Variants in RBFOX1 observed in about 807,000 individuals in gnomAD.
RBFOX1 encodes the protein RNA binding fox-1 homolog 1, also known as RNA binding protein fox-1 homolog 1.
Under a neutral mutation model 57.7 loss-of-function variants are expected in RBFOX1, and 8 were observed. The ratio of observed to expected loss-of-function variants is 0.14; its 90% CI spans 0.08 to 0.25. RBFOX1 has a LOEUF of 0.25. Among genes scored for constraint, RBFOX1 ranks in the 10% least tolerant of loss-of-function variants. RBFOX1 has a pLI of 1.00. For synonymous variants in RBFOX1, 326 were observed against 222.4 expected, an observed-to-expected ratio of 1.47 and a Z score of -4.15; for missense variants, 611 against 548.5, an observed-to-expected ratio of 1.11 and a Z score of -1.14.
rs201633566 is a variant in RBFOX1 at position 6,532,082 on chromosome 16, G to A, written c.-63-122521G>A. On this transcript the variant is annotated intron_variant, in intron 2 of 15. Transcript: ENST00000550418. ...CCATGTATCATTCTGCTCCAGTTCTGGATCCCAGAAGAGCACATCCCATTG... is the reference window on the plus strand; with the variant it reads ...CCATGTATCATTCTGCTCCAGTTCTAGATCCCAGAAGAGCACATCCCATTG... Among the ~76,000 whole-genome samples the A allele has an allele frequency of 2.6e-5, 4 of 152,098 alleles. No homozygotes were observed. The East Asian group carries it at 7.7e-4, about 29-fold the overall frequency.
chr16:6,488,033 C>A (rs1480089573), intron 2 of RBFOX1, among the ~76,000 whole-genome samples: 1 of 152,040 alleles, frequency 6.6e-6, no homozygotes, highest in Non-Finnish European at 1.5e-5. Context: ...CATCTCCCAG[C>A]ACCATTTACT....
intron 3 of RBFOX1, among the ~76,000 whole-genome samples, chr16:6,884,661 G>A (rs2063615193): frequency 6.6e-6 from 1 of 152,176 alleles, no homozygotes; most frequent in African/African-American, 2.4e-5. Context: ...CACTAGGGGA[G>A]GCTGAGGTGG....
At chr16:6,743,032 C>T (rs1466638809) in intron 3 of RBFOX1, among the ~76,000 whole-genome samples, 1 of 152,010 alleles carries the variant, frequency 6.6e-6, no homozygotes, top group African/African-American at 2.4e-5. Context: ...AATGGGTTAC[C>T]AATGTCACTA....
intron 4 of RBFOX1, among the ~76,000 whole-genome samples, chr16:7,268,904 G>T (rs1173604827): frequency 6.6e-6 from 1 of 151,800 alleles, no homozygotes; most frequent in Non-Finnish European, 1.5e-5. Context: ...AAGCGTGGTG[G>T]CAAATGCCTG....
intron 3 of RBFOX1, among the ~76,000 whole-genome samples, chr16:6,705,720 T>TA (rs1325904883): frequency 2.6e-5 from 4 of 152,090 alleles, no homozygotes; most frequent in Non-Finnish European, 5.9e-5. Flanking sequence ...TAAAGAGGGA[T>TA]AAAATTATAA....
chr16:6,512,721 G>A (rs1269689548), intron 2 of RBFOX1, among the ~76,000 whole-genome samples: 3 of 152,152 alleles, frequency 2.0e-5, no homozygotes, highest in Non-Finnish European at 4.4e-5. Context: ...TTTGGAGACC[G>A]TGACGTCACT....
At chr16:6,951,270 C>G (rs140791607) in intron 3 of RBFOX1, among the ~76,000 whole-genome samples, 18 of 152,012 alleles carry the variant, frequency 1.2e-4, no homozygotes, top group Admixed American at 1.3e-4. Flanking sequence ...ATAGAGTCAC[C>G]CATCTTCTGA....
intron 1 of RBFOX1, among the ~76,000 whole-genome samples, chr16:5,454,755 T>TTTCTTTCCTTTTC (rs1270997531): frequency 1.6e-5 from 1 of 62,878 alleles, no homozygotes; most frequent in African/African-American, 6.0e-5. Context: ...TTTTCTTTTC[T>TTTCTTTCCTTTTC]TTTCTTTCTT....
At chr16:5,345,345 C>A (rs2065117432) in intron 1 of RBFOX1, among the ~76,000 whole-genome samples, 1 of 152,206 alleles carries the variant, frequency 6.6e-6, no homozygotes, top group Non-Finnish European at 1.5e-5. Flanking sequence ...TTCCCTTCCT[C>A]TCCATTGTGC....
chr16:7,669,173 G>A (rs2070511090), intron 13 of RBFOX1, among the ~76,000 whole-genome samples: 1 of 152,136 alleles, frequency 6.6e-6, no homozygotes, highest in African/African-American at 2.4e-5. Context: ...CAAAGTGCTG[G>A]GATTACAGGT....
chr16:7,255,038 T>C (rs1278373369), intron 4 of RBFOX1, among the ~76,000 whole-genome samples: 1 of 152,234 alleles, frequency 6.6e-6, no homozygotes, highest in Non-Finnish European at 1.5e-5. Context: ...TGGAACTTTA[T>C]AACAGTAGTG....
At chr16:6,214,552 G>C (rs1254947318) in intron 1 of RBFOX1, among the ~76,000 whole-genome samples, 1 of 122,148 alleles carries the variant, frequency 8.2e-6, no homozygotes, top group Non-Finnish European at 1.7e-5. Context: ...GAGACAGGGA[G>C]AGGGGGAGAG....
At chr16:7,205,302 G>T (rs565751291) in intron 4 of RBFOX1, among the ~76,000 whole-genome samples, 8 of 152,216 alleles carry the variant, frequency 5.3e-5, no homozygotes, top group Admixed American at 5.2e-4. Flanking sequence ...CAGATCACTT[G>T]ATGTCAGGAG....
chr16:7,268,419 TTGC>T (rs2095231251), intron 4 of RBFOX1, among the ~76,000 whole-genome samples: 1 of 152,180 alleles, frequency 6.6e-6, no homozygotes, highest in Non-Finnish European at 1.5e-5. Context: ...CCTGAGTTAC[TTGC>T]TCTCTGGGAG....
intron 4 of RBFOX1, among the ~76,000 whole-genome samples, chr16:7,442,992 G>T (rs1032637645): frequency 1.3e-5 from 2 of 152,144 alleles, no homozygotes; most frequent in African/African-American, 4.8e-5. Flanking sequence ...TAGTGCACTG[G>T]GAAGGAAACA....
chr16:7,094,767 T>TGTGTGTGTGTGG (rs1567232476), intron 4 of RBFOX1, among the ~76,000 whole-genome samples: 5 of 141,014 alleles, frequency 3.5e-5, no homozygotes, highest in East Asian at 2.0e-4. Flanking sequence ...TGTGTGTGTG[T>TGTGTGTGTGTGG]GTGTGTGTGG....
chr16:5,321,295 AC>A (rs765232462), intron 1 of RBFOX1, among the ~76,000 whole-genome samples: 1 of 151,544 alleles, frequency 6.6e-6, no homozygotes, highest in African/African-American at 2.4e-5. Flanking sequence ...TCATTACTGT[AC>A]TAAAACATGA....
chr16:5,408,000 G>T (rs2066911287), intron 1 of RBFOX1, among the ~76,000 whole-genome samples: 1 of 152,240 alleles, frequency 6.6e-6, no homozygotes. Context: ...TCATGGCAGG[G>T]CTTTGTGTCC....
intron 4 of RBFOX1, among the ~76,000 whole-genome samples, chr16:5,931,686 C>G (rs2059061700): frequency 6.6e-6 from 1 of 152,144 alleles, no homozygotes; most frequent in African/African-American, 2.4e-5. Context: ...GGTCCTGAAT[C>G]TTACAGTTTG....
Sources: gnomAD v4.1 joint callset for allele counts (sites outside exome capture counted in the v4.1 genomes callset) on GRCh38, gnomAD v4.1.1 for gene constraint, MANE v1.5 for transcripts, NCBI Gene and HGNC (gene_info 2026-07-23, HGNC 2026-07-21) for gene names.